OTUD7B: variants seen among roughly 807,000 people sequenced by gnomAD.
OTUD7B encodes OTU deubiquitinase 7B, also known as OTU domain-containing protein 7B.
Under a neutral mutation model 82.2 loss-of-function variants are expected in OTUD7B, and 34 were observed. That is an observed-to-expected ratio of 0.41 (90% CI 0.31 to 0.55). The LOEUF is 0.55. Ranked by LOEUF, OTUD7B falls within the 20% of genes least tolerant of loss-of-function variation. The pLI is 0.20. For synonymous variants in OTUD7B, 398 were observed against 402.7 expected (o/e 0.99, Z 0.14); for missense variants, 944 against 1,062.1 (o/e 0.89, Z 1.55).
At chr1:150,054,672 G>T in the OTUD7B span, 4,023 of 330,280 alleles carry the variant, frequency 0.012, 66 homozygotes, top group Middle Eastern at 0.028. Context: ...GCCGGGTGTG[G>T]TGGCATGGGC....
intron 1 of OTUD7B, among the ~76,000 whole-genome samples, chr1:150,009,617 T>C (rs1553786874): frequency 6.6e-6 from 1 of 152,298 alleles, no homozygotes; most frequent in East Asian, 1.9e-4. Flanking sequence ...GTTTCTAATT[T>C]CAAATTTTTA....
chr1:150,059,939 GCAAA>G, the OTUD7B span, among the ~76,000 whole-genome samples: 3 of 152,002 alleles, frequency 2.0e-5, no homozygotes, highest in Non-Finnish European at 2.9e-5. Context: ...GTTTGCCATT[GCAAA>G]CAAACAAAAA....
the OTUD7B span, among the ~76,000 whole-genome samples, chr1:150,033,300 C>G: frequency 6.6e-6 from 1 of 152,018 alleles, no homozygotes; most frequent in South Asian, 2.1e-4. Flanking sequence ...AACTTTTGCC[C>G]AAAAAATCTA....
chr1:150,035,062 T>C, the OTUD7B span, among the ~76,000 whole-genome samples: 1 of 151,506 alleles, frequency 6.6e-6, no homozygotes, highest in East Asian at 1.9e-4. Flanking sequence ...GAGAATCGCT[T>C]GAACCCAGGA....
At chr1:149,951,894 T>TC (rs1247146243) in intron 7 of OTUD7B, among the ~76,000 whole-genome samples, 2 of 108 alleles carry the variant, frequency 0.019, no homozygotes, top group South Asian at 0.33. Flanking sequence ...ATGGTCAACC[T>TC]TTTTTTTTTT....
chr1:150,064,376 TTTTTC>T, the OTUD7B span, among the ~76,000 whole-genome samples: 2 of 152,112 alleles, frequency 1.3e-5, no homozygotes, highest in African/African-American at 4.8e-5. Context: ...TCTCTTCTCT[TTTTTC>T]TTTTCTTTTC....
chr1:149,949,894 T>C, intron 8 of OTUD7B, 116 bp from the exon 9 acceptor site: 1 of 1,324,436 alleles, frequency 7.6e-7, no homozygotes, highest in South Asian at 1.4e-5. Flanking sequence ...TGTTTAATAA[T>C]TCTTTCCTAA....
the OTUD7B span, among the ~76,000 whole-genome samples, chr1:150,063,659 C>T: frequency 6.6e-6 from 1 of 152,102 alleles, no homozygotes; most frequent in South Asian, 2.1e-4. Context: ...CTCACTGTGG[C>T]TATTATCAAT....
chr1:150,040,713 C>CTTTTTTTTT, the OTUD7B span, among the ~76,000 whole-genome samples: 2 of 145,462 alleles, frequency 1.4e-5, 1 homozygote, highest in African/African-American at 5.1e-5. Flanking sequence ...CTTTTCTTTC[C>CTTTTTTTTT]TTTTTTTTTT....
At chr1:149,958,479 C>T (rs782262035) in intron 7 of OTUD7B, among the ~76,000 whole-genome samples, 7 of 151,850 alleles carry the variant, frequency 4.6e-5, no homozygotes, top group Non-Finnish European at 8.8e-5. Context: ...AGCCGCCTAG[C>T]ACCACGCCCA....
At chr1:150,057,731 T>A in the OTUD7B span, among the ~76,000 whole-genome samples, 172 of 152,358 alleles carry the variant, frequency 1.1e-3, no homozygotes, top group African/African-American at 3.8e-3. Flanking sequence ...TGTGTCTTGA[T>A]ACTCTAAAAC....
chr1:150,019,142 A>C, the OTUD7B span, among the ~76,000 whole-genome samples: 1 of 152,174 alleles, frequency 6.6e-6, no homozygotes, highest in African/African-American at 2.4e-5. Context: ...ATCCATTGCC[A>C]ATACCTCTAC....
At chr1:150,017,674 G>A in the OTUD7B span, among the ~76,000 whole-genome samples, 6 of 152,202 alleles carry the variant, frequency 3.9e-5, no homozygotes, top group African/African-American at 1.4e-4. Context: ...AGCACTAGGA[G>A]GGAGGCCAAA....
chr1:150,042,393 G>C, the OTUD7B span, among the ~76,000 whole-genome samples: 5 of 151,504 alleles, frequency 3.3e-5, no homozygotes, highest in Non-Finnish European at 7.4e-5. Flanking sequence ...GGCTGGTCTC[G>C]AGCTCCTGAC....
the OTUD7B span, among the ~76,000 whole-genome samples, chr1:150,048,917 C>T: frequency 6.6e-6 from 1 of 152,174 alleles, no homozygotes; most frequent in African/African-American, 2.4e-5. Context: ...ACGGCAACCT[C>T]TGCCTCACTG....
At chr1:150,057,825 C>G in the OTUD7B span, among the ~76,000 whole-genome samples, 1 of 152,154 alleles carries the variant, frequency 6.6e-6, no homozygotes, top group African/African-American at 2.4e-5. Flanking sequence ...CATGTAGACT[C>G]AGTAATCCTT....
chr1:150,039,284 G>C, the OTUD7B span, among the ~76,000 whole-genome samples: 2 of 152,058 alleles, frequency 1.3e-5, no homozygotes, highest in African/African-American at 4.8e-5. Context: ...TCAAGGTTTT[G>C]ATTGAGATTA....
chr1:150,028,362 G>T, the OTUD7B span, among the ~76,000 whole-genome samples: 1 of 152,122 alleles, frequency 6.6e-6, no homozygotes, highest in Non-Finnish European at 1.5e-5. Flanking sequence ...AAGAGAAAAG[G>T]CAATGTGAAA....
the OTUD7B span, among the ~76,000 whole-genome samples, chr1:150,016,149 T>C: frequency 6.6e-6 from 1 of 152,160 alleles, no homozygotes; most frequent in African/African-American, 2.4e-5. Flanking sequence ...GATAAATGCA[T>C]CTTTCTTATT....
Sources: allele counts gnomAD v4.1 joint callset (sites outside exome capture counted in the v4.1 genomes callset), GRCh38; gene constraint gnomAD v4.1.1; transcripts MANE v1.5; gene names NCBI Gene and HGNC (gene_info 2026-07-23, HGNC 2026-07-21).